MEGF6: variants seen among roughly 807,000 people sequenced by gnomAD.
MEGF6 encodes the protein multiple EGF like domains 6, also known as multiple epidermal growth factor-like domains protein 6.
Under a neutral mutation model 207.1 loss-of-function variants are expected in MEGF6, and 184 were observed. That is an observed-to-expected ratio of 0.89 (90% CI 0.79 to 1.00). The LOEUF is 1.00. Among genes scored for constraint, MEGF6 ranks in the 50% least tolerant of loss-of-function variants. MEGF6 has a pLI of 0.00. For missense variants in MEGF6, 2,282 were observed against 2,202.9 expected (o/e 1.04, Z -0.72); for synonymous variants, 1,038 against 910.0 (o/e 1.14, Z -2.53).
rs928375597 is a variant in MEGF6, at chr1:3,594,353, C to T, written c.376+985G>A. ...CTGAGGTGGGAGGATTGCTTGAGTC[C>T]AGGAATTTGAGGCTGCAGTGAGCTA... On this transcript the variant is annotated intron_variant, in intron 3 of 36. Transcript: ENST00000356575. The surrounding 1 kb of genome is among the most constrained non-coding windows in gnomAD (Gnocchi z 4.2). 3.9e-5 allele frequency among the ~76,000 whole-genome samples: 6 copies of T among 152,308 alleles called. No individual in the cohort carries two copies. The highest frequency in any genetic ancestry group is 1.4e-4 in the African/African-American group (6 of 41,556).
intron 17 of MEGF6, among the ~76,000 whole-genome samples, chr1:3,504,841 T>C (rs1641041649): frequency 1.3e-5 from 2 of 152,160 alleles, no homozygotes; most frequent in East Asian, 1.9e-4. Context: ...CCGGCTCACA[T>C]GTGAGGAGGG....
intron 4 of MEGF6, among the ~76,000 whole-genome samples, chr1:3,563,713 G>A (rs1404383378): frequency 6.6e-6 from 1 of 152,248 alleles, no homozygotes; most frequent in Non-Finnish European, 1.5e-5. Context: ...AGACGAGGCT[G>A]ATGTTCAGGT....
At chr1:3,510,485 C>T (rs919898606) in intron 10 of MEGF6, among the ~76,000 whole-genome samples, 11 of 144,442 alleles carry the variant, frequency 7.6e-5, no homozygotes, top group Non-Finnish European at 9.2e-5. Context: ...ACGCAGCAGG[C>T]GCTCAACCAA....
rs1239682789 is a variant in MEGF6 at position 3,506,188 on chromosome 1, C to T, written c.1838G>A (p.Cys613Tyr). Residue 613 changes from cysteine (C) to tyrosine (Y), a missense_variant, in exon 15 of 37, where the codon TGT (cysteine) becomes TAT (tyrosine). Physicochemically the swap from Cys to Tyr is radical, Grantham distance 194. Transcript: ENST00000356575. ...YGKHCRKKCN[C>Y]ANRGRCHRLY... Reference sequence around the variant, plus strand: ...GCGGTGGCACCGGCCCCGGTTGGCACAGTTGCATTTCTTGCGACAGTGCTT... The same window carrying T: ...GCGGTGGCACCGGCCCCGGTTGGCATAGTTGCATTTCTTGCGACAGTGCTT... 3.1e-6 allele frequency: 5 copies of T among 1,603,188 alleles called. No individual in the cohort carries two copies. Among genetic ancestry groups the T allele is most frequent in the Admixed American group, 1.7e-5 (1 of 59,012 alleles).
At chr1:3,490,874 C>T (rs762248403) in intron 36 of MEGF6, 38 bp downstream of exon 36, 10 of 1,561,338 alleles carry the variant, frequency 6.4e-6, no homozygotes, top group South Asian at 1.2e-5. Context: ...ATAACCCACC[C>T]TCCTGGCAAG....
intron 4 of MEGF6, 29 bp downstream of exon 4, chr1:3,579,796 G>A (rs769020457): frequency 1.1e-5 from 16 of 1,428,430 alleles, no homozygotes; most frequent in Admixed American, 3.1e-5. Context: ...CCATGGCCAG[G>A]GCCTTGGTCC....
chr1:3,529,631 G>A (rs1334011363), intron 4 of MEGF6, among the ~76,000 whole-genome samples: 1 of 152,228 alleles, frequency 6.6e-6, no homozygotes, highest in African/African-American at 2.4e-5. Flanking sequence ...TGCCAACACG[G>A]GCTGGTTCAC....
At chr1:3,531,904 ACTGGTTTGAAG>A (rs1244092357) in intron 4 of MEGF6, among the ~76,000 whole-genome samples, 3 of 152,080 alleles carry the variant, frequency 2.0e-5, no homozygotes, top group African/African-American at 4.8e-5. Flanking sequence ...AAGATGGGGA[ACTGGTTTGAAG>A]CTGCAGCACC....
intron 21 of MEGF6, 63 bp from the exon 22 acceptor site, chr1:3,499,987 C>T (rs1050015334): frequency 1.9e-5 from 28 of 1,490,396 alleles, no homozygotes; most frequent in African/African-American, 1.1e-4. Flanking sequence ...CAGCCGTGCC[C>T]GGGCCTTGCC....
chr1:3,568,211 G>A (rs1413483381), intron 4 of MEGF6, among the ~76,000 whole-genome samples: 1 of 152,166 alleles, frequency 6.6e-6, no homozygotes, highest in Non-Finnish European at 1.5e-5. Flanking sequence ...CTGGAGTGAT[G>A]AGGGGGTGAA....
chr1:3,494,282 C>T, intron 32 of MEGF6, 89 bp downstream of exon 32: 1 of 1,475,160 alleles, frequency 6.8e-7, no homozygotes, highest in Non-Finnish European at 9.0e-7. Context: ...ACCTCCCCAC[C>T]ACTTCACTGC....
intron 4 of MEGF6, among the ~76,000 whole-genome samples, chr1:3,574,387 C>T (rs972725952): frequency 3.3e-5 from 5 of 152,108 alleles, no homozygotes; most frequent in Admixed American, 3.3e-4. Context: ...GAAACTTGTC[C>T]GGAACAAATT....
chr1:3,584,798 G>A (rs764540708), intron 3 of MEGF6, among the ~76,000 whole-genome samples: 2 of 152,228 alleles, frequency 1.3e-5, no homozygotes, highest in Admixed American at 6.5e-5. Context: ...GTCTCTGCCC[G>A]CAAGCACCGG....
the MEGF6 span, chr1:3,624,618 G>T: frequency 6.6e-6 from 1 of 152,484 alleles, no homozygotes. Context: ...CCCCCGATGG[G>T]CGCGCGCCCC....
chr1:3,571,304 G>T, intron 4 of MEGF6, among the ~76,000 whole-genome samples: 1 of 152,202 alleles, frequency 6.6e-6, no homozygotes, highest in South Asian at 2.1e-4. Flanking sequence ...TGTAGGACAC[G>T]ACCCCACCAT....
intron 4 of MEGF6, among the ~76,000 whole-genome samples, chr1:3,544,795 A>G (rs1352302495): frequency 1.3e-5 from 2 of 152,186 alleles, no homozygotes; most frequent in African/African-American, 2.4e-5. Context: ...TTCAGACCCC[A>G]CGCAGCAACT....
At chr1:3,495,112 T>C (rs1223993912) in intron 30 of MEGF6, among the ~76,000 whole-genome samples, 2 of 152,186 alleles carry the variant, frequency 1.3e-5, no homozygotes, top group Admixed American at 6.5e-5. Context: ...GCCTGAGAAG[T>C]AGCGTGGCTG....
chr1:3,577,301 C>T (rs1010644060), intron 4 of MEGF6, among the ~76,000 whole-genome samples: 48 of 152,332 alleles, frequency 3.2e-4, no homozygotes, highest in African/African-American at 1.1e-3. Context: ...ATGCTCCTGC[C>T]CTGCAGGGGA....
intron 2 of MEGF6, among the ~76,000 whole-genome samples, chr1:3,596,030 G>A (rs547090576): frequency 1.3e-5 from 2 of 152,240 alleles, no homozygotes; most frequent in Non-Finnish European, 2.9e-5. Context: ...CTACACCTAG[G>A]AGGACAAAGC....
Sources: allele counts gnomAD v4.1 joint callset (sites outside exome capture counted in the v4.1 genomes callset), GRCh38; gene constraint gnomAD v4.1.1; non-coding constraint Gnocchi (gnomAD v3.1); transcripts MANE v1.5; gene names NCBI Gene and HGNC (gene_info 2026-07-23, HGNC 2026-07-21).